RPH3A: variants seen among roughly 807,000 people sequenced by gnomAD.
The protein encoded by RPH3A is rabphilin 3A, also known as rabphilin-3A.
Under a neutral mutation model 102.2 loss-of-function variants are expected in RPH3A, and 48 were observed. That is an observed-to-expected ratio of 0.47 (90% CI 0.37 to 0.60). RPH3A has a LOEUF of 0.60. RPH3A is among the 20% of genes least tolerant of loss of function. The pLI, the probability that RPH3A is intolerant of heterozygous loss-of-function variation, is 0.00. For synonymous variants in RPH3A, 310 were observed against 324.3 expected, an observed-to-expected ratio of 0.96 and a Z score of 0.47; for missense variants, 781 against 910.1, an observed-to-expected ratio of 0.86 and a Z score of 1.83.
chr12:112,685,273 C>G (rs1774410431), intron 1 of RPH3A, among the ~76,000 whole-genome samples: 1 of 152,192 alleles, frequency 6.6e-6, no homozygotes, highest in South Asian at 2.1e-4. Flanking sequence ...TAATCATATT[C>G]ATGAGACTCT....
intron 1 of RPH3A, among the ~76,000 whole-genome samples, chr12:112,680,460 G>A (rs368485840): frequency 6.0e-4 from 91 of 152,236 alleles, no homozygotes; most frequent in African/African-American, 2.1e-3. Context: ...GAGGTATATC[G>A]TTACCACTCC....
At chr12:112,678,190 C>T (rs1400701795) in intron 1 of RPH3A, among the ~76,000 whole-genome samples, 1 of 149,304 alleles carries the variant, frequency 6.7e-6, no homozygotes, top group African/African-American at 2.5e-5. Flanking sequence ...GAGCAAGACC[C>T]TGTCGAAAGA....
In RPH3A at chr12:112,747,362, A is replaced by G. The variant is rs114597727; in HGVS notation, c.-139-44781A>G. ...AAAGACGGCCATTTATGAACCAGGA[A>G]GTGGGTCCTCATCAGACATCAAATC... On this transcript the variant is annotated intron_variant, in intron 1 of 21. Coordinates refer to the RPH3A transcript ENST00000543106. 4.3e-3 allele frequency among the ~76,000 whole-genome samples: 650 copies of G among 152,248 alleles called. 4 individuals are homozygous for G. The highest frequency in any genetic ancestry group is 0.015 in the African/African-American group (607 of 41,548).
At chr12:112,606,588 C>T (rs1424715556) in intron 1 of RPH3A, among the ~76,000 whole-genome samples, 1 of 152,038 alleles carries the variant, frequency 6.6e-6, no homozygotes, top group East Asian at 1.9e-4. Flanking sequence ...ACCATGTTGA[C>T]CAGGCTGATC....
chr12:112,587,424 C>T (rs2039446863), intron 1 of RPH3A, among the ~76,000 whole-genome samples: 1 of 152,162 alleles, frequency 6.6e-6, no homozygotes, highest in Non-Finnish European at 1.5e-5. Context: ...TGAATTTTGC[C>T]ACTTCTGAGC....
chr12:112,596,298 T>C (rs570995754), intron 1 of RPH3A, among the ~76,000 whole-genome samples: 135 of 152,310 alleles, frequency 8.9e-4, no homozygotes, highest in Non-Finnish European at 1.4e-3. Flanking sequence ...TGTGCCACAA[T>C]GACTGGCTAA....
At chr12:112,802,314 C>T (rs1846316065) in intron 2 of RPH3A, among the ~76,000 whole-genome samples, 1 of 152,160 alleles carries the variant, frequency 6.6e-6, no homozygotes, top group Non-Finnish European at 1.5e-5. Context: ...CTACCTACTG[C>T]CTGTGTGACC....
chr12:112,594,802 T>G (rs1592898460), intron 1 of RPH3A, among the ~76,000 whole-genome samples: 1 of 152,248 alleles, frequency 6.6e-6, no homozygotes, highest in Admixed American at 6.5e-5. Flanking sequence ...TAATGCTACT[T>G]TGTTATTATT....
intron 1 of RPH3A, among the ~76,000 whole-genome samples, chr12:112,776,602 C>T (rs1446926203): frequency 6.6e-6 from 1 of 152,026 alleles, no homozygotes; most frequent in Non-Finnish European, 1.5e-5. Context: ...CGGCTGGGCA[C>T]AATGGCTCAC....
At chr12:112,589,390 C>T (rs1004677465) in intron 1 of RPH3A, among the ~76,000 whole-genome samples, 1 of 152,160 alleles carries the variant, frequency 6.6e-6, no homozygotes, top group South Asian at 2.1e-4. Flanking sequence ...CAAATAAAAA[C>T]AACCCTTACT....
At chr12:112,842,646 G>C (rs1282328872) in intron 4 of RPH3A, among the ~76,000 whole-genome samples, 3 of 152,250 alleles carry the variant, frequency 2.0e-5, no homozygotes, top group Admixed American at 6.5e-5. Context: ...ATGAGTTACT[G>C]TGAAAATGCC....
intron 1 of RPH3A, among the ~76,000 whole-genome samples, chr12:112,645,097 A>T (rs1452906635): frequency 1.3e-5 from 2 of 152,212 alleles, no homozygotes; most frequent in Admixed American, 6.5e-5. Flanking sequence ...TCTGACTGAT[A>T]GTCAAACAGA....
chr12:112,729,698 A>C (rs1345471210), intron 1 of RPH3A, among the ~76,000 whole-genome samples: 1 of 152,220 alleles, frequency 6.6e-6, no homozygotes, highest in Admixed American at 6.5e-5. Context: ...AGTTAGCTGC[A>C]GTTTTACCCA....
chr12:112,581,439 T>G, intron 1 of RPH3A, among the ~76,000 whole-genome samples: 1 of 152,204 alleles, frequency 6.6e-6, no homozygotes, highest in East Asian at 1.9e-4. Context: ...GGAGCCATAA[T>G]TTAAGATTTG....
chr12:112,712,114 G>T (rs1236980311), intron 1 of RPH3A, among the ~76,000 whole-genome samples: 1 of 152,134 alleles, frequency 6.6e-6, no homozygotes, highest in Non-Finnish European at 1.5e-5. Flanking sequence ...TTTCAGGGGT[G>T]AGCCACCATG....
At chr12:112,895,363 A>G (rs999813498) in intron 20 of RPH3A, 1 of 158,468 alleles carries the variant, frequency 6.3e-6, no homozygotes, top group African/African-American at 2.4e-5. Context: ...CAGCCTCCCA[A>G]AGTGCTGGAA....
At chr12:112,809,717 G>A (rs1307601247) in intron 2 of RPH3A, among the ~76,000 whole-genome samples, 1 of 152,178 alleles carries the variant, frequency 6.6e-6, no homozygotes, top group African/African-American at 2.4e-5. Context: ...GGAACTTGCT[G>A]AGTTCCAGGT....
chr12:112,875,008 G>C, intron 10 of RPH3A, 76 bp from the exon 11 acceptor site: 1 of 1,276,568 alleles, frequency 7.8e-7, no homozygotes, highest in Non-Finnish European at 1.1e-6. Flanking sequence ...CACACCAGCT[G>C]AGTGGTCCCA....
At chr12:112,842,974 C>T (rs763768248) in intron 4 of RPH3A, among the ~76,000 whole-genome samples, 3 of 152,028 alleles carry the variant, frequency 2.0e-5, no homozygotes, top group Non-Finnish European at 2.9e-5. Flanking sequence ...TTAACTCTGC[C>T]AAGTCAACAA....
Sources: gnomAD v4.1 joint callset for allele counts (sites outside exome capture counted in the v4.1 genomes callset) on GRCh38, gnomAD v4.1.1 for gene constraint, MANE v1.5 for transcripts, NCBI Gene and HGNC (gene_info 2026-07-23, HGNC 2026-07-21) for gene names.